Variants in ANLN observed in about 807,000 individuals in gnomAD.
ANLN encodes anillin.
ANLN carries 59 observed loss-of-function variants against 135.1 expected under a neutral mutation model. That is an observed-to-expected ratio of 0.44 (90% confidence interval 0.35 to 0.54). The LOEUF (loss-of-function observed/expected upper bound fraction) is 0.54, where lower values mean the gene tolerates loss of function less well. ANLN is among the 20% of genes least tolerant of loss of function. The pLI is 0.00. For synonymous variants in ANLN, 406 were observed against 456.4 expected (o/e 0.89, Z 1.41); for missense variants, 1,182 against 1,340.0 (o/e 0.88, Z 1.84).
rs1380590981 is a variant in ANLN at position 36,401,965 on chromosome 7, A to G, written c.487+2572A>G. ...CTATCCCTTCCCTAGATATTTCTAC[A>G]TAAGCTGCCCCTTAATGTGCATGCA... On this transcript the variant is annotated intron_variant, in intron 3 of 23. Coordinates refer to ENST00000265748, the MANE Select transcript of ANLN (RefSeq NM_018685.5). Among the ~76,000 whole-genome samples the G allele has an allele frequency of 2.6e-4, 30 of 117,312 alleles. 5 individuals carry two copies. The highest frequency in any genetic ancestry group is 5.6e-5 in the Non-Finnish European group (3 of 53,946). 77.0% of individuals were successfully genotyped at this position (117,312 alleles called of 152,430 possible).
chr7:36,412,210 T>C (rs2116609994), intron 7 of ANLN, among the ~76,000 whole-genome samples: 1 of 151,488 alleles, frequency 6.6e-6, no homozygotes, highest in South Asian at 2.1e-4. Flanking sequence ...CATATTTTCC[T>C]CTGCTATTAC....
At position 36,399,320 on chromosome 7, in the gene ANLN, A is replaced by G. The variant is rs1562785659; in HGVS notation, c.414A>G (p.Ala138=). Residue 138 remains alanine, a synonymous_variant, in exon 3 of 24, where the codon GCA becomes GCG. Transcript: ENST00000265748. ...RGLNSRLEAT[A]ASSVKTRMQK... ...TGAACTCAAGATTGGAAGCAACTGC[A>G]GCCTCCTCAGTTAAAACACGTATGC... The G allele has an allele frequency of 1.2e-6, 2 of 1,614,138 alleles. No homozygotes were observed. Among genetic ancestry groups the G allele is most frequent in the Non-Finnish European group, 1.7e-6 (2 of 1,180,030 alleles).
chr7:36,412,329 T>TA lies in ANLN; in HGVS notation c.1395+1163_1395+1164insA, dbSNP rs1562796065. The stretch of plus-strand genomic sequence containing the variant: ...GAAATATATATATATATATATATAT[T>TA]TTTTTTTTTTTTTTTTGACATGGAG... On this transcript the variant is annotated intron_variant, in intron 7 of 23. Coordinates refer to ENST00000265748, the MANE Select transcript of ANLN (RefSeq NM_018685.5). Among the ~76,000 whole-genome samples the TA allele has an allele frequency of 6.2e-3, 384 of 61,508 alleles. 2 individuals are homozygous for TA. The highest frequency in any genetic ancestry group is 0.014 in the African/African-American group (252 of 17,806). The allele number at this position is 61,508 out of a possible 152,430, so 40.4% of individuals were successfully genotyped here. A position where few individuals can be genotyped will look rare whatever the true frequency, so the allele number is the denominator to read the frequency against.
chr7:36,428,459 C>G, intron 20 of ANLN: 2 of 600,100 alleles, frequency 3.3e-6, no homozygotes. Flanking sequence ...TTTTTGTTTA[C>G]TTTGAATAAT....
intron 20 of ANLN, among the ~76,000 whole-genome samples, chr7:36,435,390 G>GT (rs1197096096): frequency 2.0e-5 from 3 of 151,326 alleles, no homozygotes; most frequent in Non-Finnish European, 4.4e-5. Flanking sequence ...GATGGTGGGG[G>GT]GGGGGTCTCA....
At position 36,390,174 on chromosome 7, in the gene ANLN, C is replaced by G. The variant is rs1047288910; in HGVS notation, c.18+130C>G. On this transcript the variant is annotated intron_variant, in intron 1 of 23. Transcript: ENST00000265748. ...TGTGTGCGCGCGTGCGCAGTGTGTGCGGGCCGGGGTCGCCGCGGCTGCGGC... is the reference window on the plus strand; with the variant it reads ...TGTGTGCGCGCGTGCGCAGTGTGTGGGGGCCGGGGTCGCCGCGGCTGCGGC... The G allele has an allele frequency of 5.9e-6, 9 of 1,518,192 alleles. No homozygotes were observed. The African/African-American group carries it at 1.1e-4, about 19-fold the overall frequency. The allele number at this position is 1,518,192 out of a possible 1,614,324, so 94.0% of individuals were successfully genotyped here.
In ANLN at chr7:36,405,519, T is replaced by C. The variant is rs147434676; in HGVS notation, c.488-662T>C. 8.8e-3 allele frequency among the ~76,000 whole-genome samples: 1,346 copies of C among 152,322 alleles called. 12 individuals are homozygous for C. Among genetic ancestry groups the C allele is most frequent in the Non-Finnish European group, 0.014 (942 of 68,006 alleles). Reference sequence around the variant, plus strand: ...TGAATTTGTGGAGTAGGAAGTGCTATGAACCTTGGCTTCCCTATATACATG... The same window carrying C: ...TGAATTTGTGGAGTAGGAAGTGCTACGAACCTTGGCTTCCCTATATACATG... On this transcript the variant is annotated intron_variant, in intron 3 of 23. Transcript: ENST00000265748.
chr7:36,445,961 A>G (rs1788979214), intron 22 of ANLN, among the ~76,000 whole-genome samples: 1 of 152,178 alleles, frequency 6.6e-6, no homozygotes. Context: ...TATCTTCTTG[A>G]TTACTAGACT....
intron 20 of ANLN, among the ~76,000 whole-genome samples, chr7:36,435,997 GGTAAACTATTCA>G (rs1788534974): frequency 6.7e-6 from 1 of 150,266 alleles, no homozygotes; most frequent in Non-Finnish European, 1.5e-5. Context: ...ACAATTTTAA[GGTAAACTATTCA>G]GTGGCATTTA....
chr7:36,412,267 C>T (rs1329566359), intron 7 of ANLN, among the ~76,000 whole-genome samples: 1 of 149,894 alleles, frequency 6.7e-6, no homozygotes, highest in Non-Finnish European at 1.5e-5. Flanking sequence ...CTTCTAGTCT[C>T]GCTACCCTCC....
At chr7:36,410,002 G>A (rs1787344402) in intron 5 of ANLN, among the ~76,000 whole-genome samples, 1 of 152,078 alleles carries the variant, frequency 6.6e-6, no homozygotes, top group African/African-American at 2.4e-5. Flanking sequence ...GTAAAGTCAA[G>A]GTGTCCTTTT....
chr7:36,424,643 A>G (rs1278928538), intron 16 of ANLN, 43 bp from the exon 17 acceptor site: 2 of 1,603,104 alleles, frequency 1.2e-6, no homozygotes, highest in African/African-American at 2.7e-5. Flanking sequence ...TTTTCTTAAC[A>G]ATATCAGATT....
In ANLN at chr7:36,390,168, T is replaced by C. The variant is rs921926237; in HGVS notation, c.18+124T>C. The C allele has an allele frequency of 1.3e-5, 20 of 1,549,714 alleles. No homozygotes were observed. The African/African-American group carries it at 2.6e-4, about 20-fold the overall frequency. On this transcript the variant is annotated intron_variant, in intron 1 of 23. Coordinates refer to ENST00000265748, the MANE Select transcript of ANLN (RefSeq NM_018685.5). Reference sequence around the variant, plus strand: ...GGCGCGTGTGTGCGCGCGTGCGCAGTGTGTGCGGGCCGGGGTCGCCGCGGC... The same window carrying C: ...GGCGCGTGTGTGCGCGCGTGCGCAGCGTGTGCGGGCCGGGGTCGCCGCGGC...
chr7:36,451,142 A>G (rs1243299187), intron 23 of ANLN, among the ~76,000 whole-genome samples: 3 of 152,214 alleles, frequency 2.0e-5, no homozygotes, highest in Non-Finnish European at 4.4e-5. Flanking sequence ...TGGTGAGAAT[A>G]TAAACATTCT....
At chr7:36,446,269 T>C (rs773220800) in intron 22 of ANLN, among the ~76,000 whole-genome samples, 4 of 152,232 alleles carry the variant, frequency 2.6e-5, no homozygotes, top group Non-Finnish European at 2.9e-5. Context: ...TCTAAAGTTA[T>C]AGAGTTTTAT....
Position 36,409,044 on chromosome 7 carries a change from T to C in ANLN, c.1096+1088T>C, listed in dbSNP as rs184217995. Among the ~76,000 whole-genome samples, 292 of 151,636 alleles carry C rather than the reference T, an allele frequency of 1.9e-3. 1 individual carries two copies. Among genetic ancestry groups the C allele is most frequent in the African/African-American group, 6.7e-3 (275 of 40,944 alleles). On this transcript the variant is annotated intron_variant, in intron 5 of 23. Transcript: ENST00000265748. ...AGAAATGAGAGTGGGGAAGCGGTTA[T>C]GGGGTAGGTAGAAATCTGCAATTTC...
chr7:36,411,340 A>G (rs1000100988), intron 7 of ANLN, among the ~76,000 whole-genome samples, 174 bp downstream of exon 7: 3 of 152,104 alleles, frequency 2.0e-5, no homozygotes, highest in Non-Finnish European at 1.5e-5. Flanking sequence ...TTCTTGTGAT[A>G]TTTTTCTATT....
At position 36,389,864 on chromosome 7, in the gene ANLN, G is replaced by A; in HGVS notation, c.-163G>A. On this transcript the variant is annotated 5_prime_UTR_variant, in exon 1 of 24. Coordinates refer to ENST00000265748, the MANE Select transcript of ANLN (RefSeq NM_018685.5). ...AAATTTGAACGGCTGCAGAGGCCGA[G>A]TCCGTCACTGGAAGCCGAGAGGAGA... The A allele has an allele frequency of 7.7e-7, 1 of 1,292,616 alleles. No homozygotes were observed. The highest frequency in any genetic ancestry group is 1.1e-6 in the Non-Finnish European group (1 of 915,178). The allele number at this position is 1,292,616 out of a possible 1,614,324, so 80.1% of individuals were successfully genotyped here. A position where few individuals can be genotyped will look rare whatever the true frequency, so the allele number is the denominator to read the frequency against.
At position 36,407,714 on chromosome 7, in the gene ANLN, T is replaced by A. The variant is rs748664860; in HGVS notation, c.874-20T>A. The stretch of plus-strand genomic sequence containing the variant: ...TAGATATTGTGAATGTTGTTTACCC[T>A]AAGTGTTTTCATGTTTCAGAAAGCT... On this transcript the variant is annotated intron_variant, in intron 4 of 23. Coordinates refer to ENST00000265748, the MANE Select transcript of ANLN (RefSeq NM_018685.5). 3.9e-6 allele frequency: 6 copies of A among 1,552,634 alleles called. No homozygotes were observed. Among genetic ancestry groups the A allele is most frequent in the Non-Finnish European group, 5.3e-6 (6 of 1,126,598 alleles).
Sources: gnomAD v4.1 joint callset for allele counts (sites outside exome capture counted in the v4.1 genomes callset) on GRCh38, gnomAD v4.1.1 for gene constraint, MANE v1.5 for transcripts, NCBI Gene and HGNC (gene_info 2026-07-23, HGNC 2026-07-21) for gene names.